RPTOR: variants seen among roughly 807,000 people sequenced by gnomAD.
RPTOR encodes regulatory-associated protein of mTOR.
In RPTOR, 21 loss-of-function variants were observed where a neutral mutation model predicts 169.9. The ratio of observed to expected loss-of-function variants is 0.12; its 90% confidence interval spans 0.09 to 0.18. RPTOR has a LOEUF of 0.18. RPTOR is among the 10% of genes least tolerant of loss of function. The pLI is 1.00. For synonymous variants in RPTOR, 732 were observed against 753.2 expected (o/e 0.97, Z 0.46); for missense variants, 1,133 against 1,855.9 (o/e 0.61, Z 7.16).
intron 10 of RPTOR, among the ~76,000 whole-genome samples, chr17:80,841,283 G>A (rs1425442846): frequency 1.3e-5 from 1 of 79,392 alleles, no homozygotes; most frequent in Non-Finnish European, 2.4e-5. Context: ...CTCACCGCAC[G>A]GCAGCTCACT....
At chr17:80,694,540 G>T (rs545643648) in intron 3 of RPTOR, among the ~76,000 whole-genome samples, 1 of 152,314 alleles carries the variant, frequency 6.6e-6, no homozygotes, top group South Asian at 2.1e-4. Context: ...TGGTGACCAG[G>T]GTGGAGCCTC....
At chr17:80,574,813 G>A (rs1171156710) in intron 1 of RPTOR, among the ~76,000 whole-genome samples, 1 of 140,966 alleles carries the variant, frequency 7.1e-6, no homozygotes, top group East Asian at 2.1e-4. Flanking sequence ...GTGCCACCAA[G>A]CCCAGCTTAT....
In RPTOR at chr17:80,596,320, A is replaced by G. The variant is rs573123195; in HGVS notation, c.163-29371A>G. ...GAACTGTGTTAAAAGAACTGTGTTT[A>G]TCTTTTTGGTTAAACCTGTTGTAAC... On this transcript the variant is annotated intron_variant, in intron 1 of 33. Coordinates refer to ENST00000306801, the MANE Select transcript of RPTOR (RefSeq NM_020761.3). 3.9e-5 allele frequency among the ~76,000 whole-genome samples: 6 copies of G among 152,306 alleles called. No homozygotes were observed. In the South Asian group the frequency reaches 8.3e-4, roughly 21 times the overall value.
intron 3 of RPTOR, among the ~76,000 whole-genome samples, chr17:80,693,842 G>A (rs570608972): frequency 2.5e-4 from 38 of 152,336 alleles, no homozygotes; most frequent in African/African-American, 8.9e-4. Context: ...GTGGGCACGG[G>A]CCTGGAACAG....
rs564319159 is a variant in RPTOR at position 80,731,119 on chromosome 17, C to T, written c.654+413C>T. ...GTCTCAAACTCCTGGGCTCAAGCAA[C>T]GCGTGTGCCTCAGCCTGCAAAGTTC... On this transcript the variant is annotated intron_variant, in intron 5 of 33. Coordinates refer to ENST00000306801, the MANE Select transcript of RPTOR (RefSeq NM_020761.3). Among the ~76,000 whole-genome samples, 9 of 152,236 alleles carry T rather than the reference C, an allele frequency of 5.9e-5. No individual in the cohort carries two copies. In the South Asian group the frequency reaches 1.2e-3, roughly 21 times the overall value.
intron 3 of RPTOR, among the ~76,000 whole-genome samples, chr17:80,682,117 C>CTT (rs57796737): frequency 7.8e-6 from 1 of 128,044 alleles, no homozygotes; most frequent in Non-Finnish European, 1.6e-5. Context: ...TCCCCCCCCC[C>CTT]ACCCCAAACA....
chr17:80,687,446 A>G (rs2065957055), intron 3 of RPTOR, among the ~76,000 whole-genome samples: 1 of 152,200 alleles, frequency 6.6e-6, no homozygotes, highest in Non-Finnish European at 1.5e-5. Context: ...TGCTCTTAGC[A>G]TCTGCCCACA....
chr17:80,638,269 C>T (rs1042057314), intron 2 of RPTOR, among the ~76,000 whole-genome samples: 1 of 152,182 alleles, frequency 6.6e-6, no homozygotes, highest in African/African-American at 2.4e-5. Flanking sequence ...GCTGGGCTCC[C>T]TTTGGGCCTG....
chr17:80,696,070 A>G (rs1475793420), intron 3 of RPTOR, among the ~76,000 whole-genome samples: 1 of 152,218 alleles, frequency 6.6e-6, no homozygotes, highest in Admixed American at 6.5e-5. Context: ...GAGTCCCTGT[A>G]GGGCAGGATA....
intron 4 of RPTOR, among the ~76,000 whole-genome samples, chr17:80,712,630 C>T (rs1166538474): frequency 2.0e-5 from 3 of 152,184 alleles, no homozygotes; most frequent in African/African-American, 7.2e-5. Flanking sequence ...CTATTATTAA[C>T]GTGTGCAAAT....
chr17:80,703,887 G>A (rs2066122107), intron 3 of RPTOR, among the ~76,000 whole-genome samples: 1 of 152,240 alleles, frequency 6.6e-6, no homozygotes, highest in Non-Finnish European at 1.5e-5. Context: ...AAAATGGGAT[G>A]TGGCCTGCTG....
Position 80,789,541 on chromosome 17 carries a change from C to T in RPTOR, c.831-1909C>T, listed in dbSNP as rs1327399324. Among the ~76,000 whole-genome samples, 4 of 152,160 alleles carry T rather than the reference C, an allele frequency of 2.6e-5. No homozygotes were observed. In the East Asian group the frequency reaches 5.8e-4, roughly 22 times the overall value. On this transcript the variant is annotated intron_variant, in intron 6 of 33. Transcript: ENST00000306801. ...GATCCTGGGAATATTATCCTGTGTG[C>T]GTGCCCTTCAGGAGCCAGCCTCCGA... is the stretch of plus-strand genomic sequence containing the variant.
At chr17:80,952,620 G>A (rs894946817) in intron 28 of RPTOR, among the ~76,000 whole-genome samples, 1 of 152,148 alleles carries the variant, frequency 6.6e-6, no homozygotes, top group Non-Finnish European at 1.5e-5. Context: ...CTTGTTTTCT[G>A]GCATCTTGAA....
intron 24 of RPTOR, among the ~76,000 whole-genome samples, chr17:80,926,940 G>T (rs939987717): frequency 6.6e-6 from 1 of 152,238 alleles, no homozygotes; most frequent in Non-Finnish European, 1.5e-5. Context: ...GAGGCTGGTG[G>T]ATTCAGTCCT....
intron 4 of RPTOR, among the ~76,000 whole-genome samples, chr17:80,718,114 G>A (rs1325219338): frequency 6.6e-6 from 1 of 152,198 alleles, no homozygotes. Context: ...AAAGCTACAA[G>A]GCTTTTCCCT....
At chr17:80,622,113 A>G (rs879638830) in intron 1 of RPTOR, among the ~76,000 whole-genome samples, 2 of 152,244 alleles carry the variant, frequency 1.3e-5, no homozygotes, top group African/African-American at 2.4e-5. Flanking sequence ...CACAAGGTCT[A>G]TTAGAAGGCT....
rs546623367 is a variant in RPTOR, at chr17:80,878,674, G to C, written c.1510-1741G>C. ...CACAGATTTTTAAAACTTTACCTGG[G>C]TCCCTGACTAGTAAGAGGGAGAACC... On this transcript the variant is annotated intron_variant, in intron 13 of 33. Coordinates refer to ENST00000306801, the MANE Select transcript of RPTOR (RefSeq NM_020761.3). This position sits in a 1 kb window ranked among gnomAD's most constrained non-coding sequence, Gnocchi z 4.1. Among the ~76,000 whole-genome samples the C allele has an allele frequency of 2.0e-3, 304 of 152,246 alleles. No individual in the cohort carries two copies. Among genetic ancestry groups the C allele is most frequent in the Non-Finnish European group, 3.2e-3 (221 of 68,026 alleles).
In RPTOR at chr17:80,964,517, G is replaced by A. The variant is rs749351822; in HGVS notation, c.*187G>A. The A allele has an allele frequency of 3.2e-5, 20 of 625,818 alleles. No individual in the cohort carries two copies. Among genetic ancestry groups the A allele is most frequent in the Non-Finnish European group, 5.3e-5 (19 of 355,244 alleles). 38.8% of individuals were successfully genotyped at this position (625,818 alleles called of 1,614,324 possible). ...CTGTCTTCGCTGTCGTGTCTGGAAT[G>A]TCAGGGAAGGGGAGGGCTCGGGTTG... On this transcript the variant is annotated 3_prime_UTR_variant, in exon 34 of 34. Coordinates refer to ENST00000306801, the MANE Select transcript of RPTOR (RefSeq NM_020761.3).
chr17:80,925,297 CTT>C (rs1430985219), intron 23 of RPTOR, 71 bp from the exon 24 acceptor site: 17 of 1,353,614 alleles, frequency 1.3e-5, no homozygotes, highest in Non-Finnish European at 1.8e-5. Flanking sequence ...AGCTGCAGCT[CTT>C]TTGAGCTCAG....
Sources: allele counts gnomAD v4.1 joint callset (sites outside exome capture counted in the v4.1 genomes callset), GRCh38; gene constraint gnomAD v4.1.1; non-coding constraint Gnocchi (gnomAD v3.1); transcripts MANE v1.5; gene names NCBI Gene and HGNC (gene_info 2026-07-23, HGNC 2026-07-21).